Variants in CDH13 observed in about 807,000 individuals in gnomAD.
CDH13 encodes the protein cadherin 13, also known as cadherin-13.
In CDH13, 24 loss-of-function variants were observed where a neutral mutation model predicts 63.8. The observed-to-expected ratio is 0.38, with a 90% CI of 0.27 to 0.53. CDH13 has a LOEUF of 0.53. CDH13 is among the 20% of genes least tolerant of loss of function. The pLI, the probability that CDH13 is intolerant of heterozygous loss-of-function variation, is 0.85. For synonymous variants in CDH13, 503 were observed against 355.3 expected, an observed-to-expected ratio of 1.42 and a Z score of -4.67; for missense variants, 1,049 against 903.1, an observed-to-expected ratio of 1.16 and a Z score of -2.07.
intron 3 of CDH13, among the ~76,000 whole-genome samples, chr16:83,050,250 T>A (rs1438569861): frequency 6.6e-6 from 1 of 152,154 alleles, no homozygotes; most frequent in Non-Finnish European, 1.5e-5. Flanking sequence ...AGGAGTGGAA[T>A]TGCTGGCTCA....
intron 1 of CDH13, among the ~76,000 whole-genome samples, chr16:82,658,815 C>T (rs998607570): frequency 6.6e-6 from 1 of 152,144 alleles, no homozygotes; most frequent in African/African-American, 2.4e-5. Flanking sequence ...ATTTTAAAAG[C>T]CCATAGAAGA....
intron 2 of CDH13, among the ~76,000 whole-genome samples, chr16:82,944,964 A>G (rs1273782816): frequency 6.6e-6 from 1 of 152,214 alleles, no homozygotes; most frequent in Non-Finnish European, 1.5e-5. Context: ...AGTAGGCAGT[A>G]GCAACTGTAG....
intron 2 of CDH13, chr16:83,023,103 G>A (rs1193429973): frequency 6.6e-6 from 1 of 152,212 alleles, no homozygotes; most frequent in East Asian, 1.9e-4. Context: ...AGGTCGGGAA[G>A]ATTAAGCCCC....
rs564281729 is a variant in CDH13, at chr16:83,567,854, C to G, written c.961-34600C>G. ...TCGTGATCCACCTGCCTCGGCCTCC[C>G]AAAGTGCTGGGATTACAGGCATGAG... On this transcript the variant is annotated intron_variant, in intron 7 of 13. Transcript: ENST00000567109. 2.0e-5 allele frequency among the ~76,000 whole-genome samples: 3 copies of G among 151,728 alleles called. No homozygotes were observed. The East Asian group carries it at 5.8e-4, about 29-fold the overall frequency.
At chr16:83,718,489 T>C (rs1305981862) in intron 10 of CDH13, among the ~76,000 whole-genome samples, 1 of 152,198 alleles carries the variant, frequency 6.6e-6, no homozygotes, top group Non-Finnish European at 1.5e-5. Flanking sequence ...CCTCTATGGA[T>C]TTCTTTAACC....
chr16:83,134,449 C>G (rs1031109850), intron 4 of CDH13, among the ~76,000 whole-genome samples: 4 of 151,842 alleles, frequency 2.6e-5, no homozygotes, highest in South Asian at 4.2e-4. Flanking sequence ...CTCGGCCTCC[C>G]AAAGTGCTGG....
intron 7 of CDH13, among the ~76,000 whole-genome samples, chr16:83,574,018 T>A (rs1325785472): frequency 6.6e-6 from 1 of 152,004 alleles, no homozygotes; most frequent in Non-Finnish European, 1.5e-5. Context: ...TATAAAGGTA[T>A]CTCCAAGCCA....
chr16:83,523,429 C>A (rs867673134), intron 7 of CDH13, among the ~76,000 whole-genome samples: 1 of 152,162 alleles, frequency 6.6e-6, no homozygotes, highest in Non-Finnish European at 1.5e-5. Flanking sequence ...AAGCCCAAGG[C>A]TCTGTCTTGT....
intron 6 of CDH13, among the ~76,000 whole-genome samples, chr16:83,446,511 A>G (rs2072693306): frequency 6.6e-6 from 1 of 152,196 alleles, no homozygotes; most frequent in Admixed American, 6.5e-5. Context: ...CAGAGAAGAA[A>G]GGACAGAAAA....
intron 8 of CDH13, among the ~76,000 whole-genome samples, chr16:83,627,285 G>A (rs7201817): frequency 0.099 from 15,087 of 151,980 alleles, 790 homozygotes; most frequent in Admixed American, 0.11. Context: ...GTGAGACTCC[G>A]TCTCCGGGGA....
intron 2 of CDH13, among the ~76,000 whole-genome samples, chr16:82,917,327 G>T (rs2042021482): frequency 6.6e-6 from 1 of 152,026 alleles, no homozygotes; most frequent in Non-Finnish European, 1.5e-5. Context: ...CCCTAGTTTT[G>T]GGGAAAGAAC....
At chr16:83,212,864 G>A (rs1308874789) in intron 4 of CDH13, among the ~76,000 whole-genome samples, 1 of 152,190 alleles carries the variant, frequency 6.6e-6, no homozygotes, top group Non-Finnish European at 1.5e-5. Flanking sequence ...TCCCAGTGAT[G>A]CTGATACTGT....
intron 8 of CDH13, among the ~76,000 whole-genome samples, chr16:83,605,450 C>T (rs1754557551): frequency 6.6e-6 from 1 of 152,134 alleles, no homozygotes; most frequent in African/African-American, 2.4e-5. Context: ...GGCGCTGGAG[C>T]CGGAATTGGG....
chr16:83,660,483 G>A (rs1913336593), intron 8 of CDH13, among the ~76,000 whole-genome samples: 1 of 152,122 alleles, frequency 6.6e-6, no homozygotes, highest in Non-Finnish European at 1.5e-5. Context: ...TATGAGCAAT[G>A]GGGAGCAGCC....
Position 82,803,783 on chromosome 16 carries a change from A to G in CDH13, c.46-54579A>G, listed in dbSNP as rs1442393096. ...AGGTATCTAAAATAGTCAGACTAATAGAAGCAGAGTAGAATGGTGATTTGG... is the reference window on the plus strand; with the variant it reads ...AGGTATCTAAAATAGTCAGACTAATGGAAGCAGAGTAGAATGGTGATTTGG... On this transcript the variant is annotated intron_variant, in intron 1 of 13. Coordinates refer to ENST00000567109, the MANE Select transcript of CDH13 (RefSeq NM_001257.5). Among the ~76,000 whole-genome samples, 4 of 152,358 alleles carry G rather than the reference A, an allele frequency of 2.6e-5. No homozygotes were observed. The East Asian group carries it at 7.7e-4, about 29-fold the overall frequency.
At chr16:83,262,414 TGTG>T (rs2151837022) in intron 5 of CDH13, among the ~76,000 whole-genome samples, 1 of 152,330 alleles carries the variant, frequency 6.6e-6, no homozygotes, top group East Asian at 1.9e-4. Context: ...AATGTAGACT[TGTG>T]GTAGACATTT....
intron 1 of CDH13, among the ~76,000 whole-genome samples, chr16:82,803,535 C>T (rs768424799): frequency 2.6e-5 from 4 of 152,250 alleles, no homozygotes; most frequent in Non-Finnish European, 4.4e-5. Flanking sequence ...GTTTAGGGAA[C>T]GACTCCAATG....
intron 6 of CDH13, among the ~76,000 whole-genome samples, chr16:83,441,314 A>G (rs971947675): frequency 1.3e-5 from 2 of 152,208 alleles, no homozygotes; most frequent in African/African-American, 4.8e-5. Flanking sequence ...TTGAAAGATG[A>G]CAATTCAATT....
chr16:82,761,822 A>T (rs931382027), intron 1 of CDH13, among the ~76,000 whole-genome samples: 2 of 152,166 alleles, frequency 1.3e-5, no homozygotes, highest in Non-Finnish European at 2.9e-5. Flanking sequence ...AGATTTTTTT[A>T]TCATGACTTA....
Sources: gnomAD v4.1 joint callset for allele counts (sites outside exome capture counted in the v4.1 genomes callset) on GRCh38, gnomAD v4.1.1 for gene constraint, MANE v1.5 for transcripts, NCBI Gene and HGNC (gene_info 2026-07-23, HGNC 2026-07-21) for gene names.